Variants in XKR4 observed in about 807,000 individuals in gnomAD.
XKR4 encodes XK related 4.
In XKR4, 12 loss-of-function variants were observed where a neutral mutation model predicts 53.9. The observed-to-expected ratio is 0.22, with a 90% CI of 0.14 to 0.36. The LOEUF is 0.36. XKR4 is among the 10% of genes least tolerant of loss of function. XKR4 has a pLI of 1.00. For synonymous variants in XKR4, 354 were observed against 362.4 expected, an observed-to-expected ratio of 0.98 and a Z score of 0.26; for missense variants, 799 against 859.5, an observed-to-expected ratio of 0.93 and a Z score of 0.88.
chr8:55,103,207 G>C lies in XKR4; in HGVS notation c.719G>C (p.Ser240Thr). ...GSNSSGATRASGKHRSASCSF... is the reference protein window; with the variant it reads ...GSNSSGATRATGKHRSASCSF... ...AACAGCAGCGGGGCTACCCGGGCCA[G>C]TGGCAAGCACAGGTCTGCGTCCTGC... Residue 240 changes from serine to threonine, a missense_variant, in exon 1 of 3, where the codon AGT becomes ACT. By Grantham distance (58) the Ser-to-Thr change is moderately conservative (BLOSUM62 1). Around this residue, in one of 3 missense-constraint regions of XKR4, gnomAD observed 476 missense variants for 505.4 expected, o/e 0.94. Coordinates refer to ENST00000327381, the MANE Select transcript of XKR4 (RefSeq NM_052898.2). 1 of 1,614,088 alleles carries C rather than the reference G, an allele frequency of 6.2e-7. No homozygotes were observed. Among genetic ancestry groups the C allele is most frequent in the Non-Finnish European group, 8.5e-7 (1 of 1,180,042 alleles).
intron 1 of XKR4, among the ~76,000 whole-genome samples, chr8:55,292,607 C>A (rs1311215552): frequency 2.0e-5 from 3 of 151,980 alleles, no homozygotes; most frequent in African/African-American, 7.3e-5. Context: ...CAATTGGTTG[C>A]TCTATTTTAC....
chr8:55,136,840 G>A (rs1023545960), intron 1 of XKR4, among the ~76,000 whole-genome samples: 13 of 152,118 alleles, frequency 8.5e-5, no homozygotes, highest in African/African-American at 2.7e-4. Flanking sequence ...ACACTCTTGG[G>A]CTTCCCACAT....
intron 2 of XKR4, among the ~76,000 whole-genome samples, chr8:55,469,057 A>C (rs936797718): frequency 6.6e-6 from 1 of 152,088 alleles, no homozygotes; most frequent in Admixed American, 6.6e-5. Context: ...ATTTTTCATC[A>C]TCCTTCCCTC....
intron 1 of XKR4, among the ~76,000 whole-genome samples, chr8:55,167,853 C>G (rs1470131419): frequency 2.0e-5 from 3 of 152,148 alleles, no homozygotes; most frequent in Non-Finnish European, 4.4e-5. Flanking sequence ...GGGGCTGAAC[C>G]AGCATAGAAG....
chr8:55,179,771 T>C (rs1817282731), intron 1 of XKR4, among the ~76,000 whole-genome samples: 1 of 152,224 alleles, frequency 6.6e-6, no homozygotes, highest in African/African-American at 2.4e-5. Context: ...CAGTGCACTG[T>C]GACTGGCATA....
At chr8:55,300,842 C>G (rs992088665) in intron 1 of XKR4, among the ~76,000 whole-genome samples, 2 of 151,928 alleles carry the variant, frequency 1.3e-5, no homozygotes, top group East Asian at 3.9e-4. Context: ...CAGAAGGCAG[C>G]TTTTGGTCTG....
chr8:55,348,721 C>CAGAG (rs57415116), intron 1 of XKR4, among the ~76,000 whole-genome samples: 4 of 150,040 alleles, frequency 2.7e-5, no homozygotes, highest in African/African-American at 7.4e-5. Flanking sequence ...CACACACACA[C>CAGAG]AGAGAGAGAG....
intron 2 of XKR4, among the ~76,000 whole-genome samples, chr8:55,374,545 C>T (rs977249352): frequency 1.3e-5 from 2 of 152,132 alleles, no homozygotes; most frequent in African/African-American, 4.8e-5. Flanking sequence ...AGTGAACCAC[C>T]ATTTAAGGGC....
At chr8:55,288,898 C>T (rs866501950) in intron 1 of XKR4, among the ~76,000 whole-genome samples, 4 of 152,166 alleles carry the variant, frequency 2.6e-5, no homozygotes, top group African/African-American at 4.8e-5. Flanking sequence ...TCAATGGAAT[C>T]ATGTAGCACA....
chr8:55,490,260 A>T (rs1264755332), intron 2 of XKR4, among the ~76,000 whole-genome samples: 2 of 152,218 alleles, frequency 1.3e-5, no homozygotes, highest in Admixed American at 1.3e-4. Flanking sequence ...GAATAAAATG[A>T]TGTAAAATGA....
At chr8:55,333,020 G>C (rs1473260950) in intron 1 of XKR4, among the ~76,000 whole-genome samples, 1 of 151,128 alleles carries the variant, frequency 6.6e-6, no homozygotes, top group Non-Finnish European at 1.5e-5. Context: ...ACCCTCTGGT[G>C]AATTTTTCAA....
chr8:55,392,322 T>C (rs374664604), intron 2 of XKR4, among the ~76,000 whole-genome samples: 48 of 152,130 alleles, frequency 3.2e-4, no homozygotes, highest in African/African-American at 1.1e-3. Flanking sequence ...AGCATCTTAC[T>C]GTCCCAGAAA....
chr8:55,107,989 A>G (rs1816173391), intron 1 of XKR4, among the ~76,000 whole-genome samples: 1 of 152,230 alleles, frequency 6.6e-6, no homozygotes, highest in Non-Finnish European at 1.5e-5. Flanking sequence ...TCTACTCTCT[A>G]ATAGGGAAGA....
intron 1 of XKR4, among the ~76,000 whole-genome samples, chr8:55,277,284 A>C (rs1445519036): frequency 1.3e-5 from 2 of 152,232 alleles, no homozygotes; most frequent in Non-Finnish European, 2.9e-5. Context: ...AAGGTGCTGA[A>C]TAAATAATAA....
chr8:55,356,163 G>A (rs746843461), intron 1 of XKR4, among the ~76,000 whole-genome samples: 1 of 152,154 alleles, frequency 6.6e-6, no homozygotes, highest in East Asian at 1.9e-4. Flanking sequence ...AAGTAAAGAA[G>A]GATGATGGAC....
intron 1 of XKR4, among the ~76,000 whole-genome samples, chr8:55,105,859 A>G (rs11993904): frequency 0.033 from 5,053 of 152,270 alleles, 279 homozygotes; most frequent in African/African-American, 0.11. Flanking sequence ...ATATGTTTCT[A>G]TTTCTCTGAG....
At chr8:55,314,989 G>A (rs367782873) in intron 1 of XKR4, among the ~76,000 whole-genome samples, 1 of 152,192 alleles carries the variant, frequency 6.6e-6, no homozygotes, top group Non-Finnish European at 1.5e-5. Flanking sequence ...AAAACGCTGT[G>A]CATTTGCCGT....
At chr8:55,276,847 A>C (rs1818772199) in intron 1 of XKR4, among the ~76,000 whole-genome samples, 1 of 152,246 alleles carries the variant, frequency 6.6e-6, no homozygotes, top group Non-Finnish European at 1.5e-5. Flanking sequence ...GAGAGGCATC[A>C]ACATATGAAG....
chr8:55,325,767 A>G (rs1187343046), intron 1 of XKR4, among the ~76,000 whole-genome samples: 1 of 152,174 alleles, frequency 6.6e-6, no homozygotes, highest in Admixed American at 6.5e-5. Context: ...CCCAAATGTT[A>G]TCACTGTGAG....
Sources: allele counts gnomAD v4.1 joint callset (sites outside exome capture counted in the v4.1 genomes callset), GRCh38; gene constraint gnomAD v4.1.1; regional missense constraint gnomAD v4.1.1; transcripts MANE v1.5; gene names NCBI Gene and HGNC (gene_info 2026-07-23, HGNC 2026-07-21).